HERC3: variants seen among roughly 807,000 people sequenced by gnomAD.
The protein encoded by HERC3 is HECT and RLD domain containing E3 ubiquitin protein ligase 3.
A neutral mutation model predicts 129.9 loss-of-function variants in HERC3; 58 were observed. The observed-to-expected ratio is 0.45, with a 90% CI of 0.36 to 0.56. The LOEUF (loss-of-function observed/expected upper bound fraction) is 0.56, where lower values mean the gene tolerates loss of function less well. Ranked by LOEUF, HERC3 falls within the 20% of genes least tolerant of loss-of-function variation. The pLI is 0.00. For synonymous variants in HERC3, 430 were observed against 451.0 expected, an observed-to-expected ratio of 0.95 and a Z score of 0.59; for missense variants, 835 against 1,244.2, an observed-to-expected ratio of 0.67 and a Z score of 4.95.
At chr4:88,528,582 A>G in the HERC3 span, among the ~76,000 whole-genome samples, 1 of 152,160 alleles carries the variant, frequency 6.6e-6, no homozygotes, top group Non-Finnish European at 1.5e-5. Context: ...GCAAGAGACA[A>G]GCTGAAGAGG....
At chr4:88,524,080 T>C in the HERC3 span, 5 of 287,052 alleles carry the variant, frequency 1.7e-5, no homozygotes, top group Non-Finnish European at 3.2e-5. Context: ...ACCTACGTGG[T>C]TACCTCCAAG....
chr4:88,678,865 C>T (rs1164046005), intron 19 of HERC3, among the ~76,000 whole-genome samples: 1 of 152,182 alleles, frequency 6.6e-6, no homozygotes, highest in Non-Finnish European at 1.5e-5. Flanking sequence ...TATCAATCTG[C>T]CTGGTTGTTC....
At chr4:88,610,314 A>G (rs1724155917) in intron 3 of HERC3, among the ~76,000 whole-genome samples, 1 of 152,018 alleles carries the variant, frequency 6.6e-6, no homozygotes, top group African/African-American at 2.4e-5. Flanking sequence ...TTAGCCGGGC[A>G]TGGTGGCGCG....
At chr4:88,678,178 T>C (rs1445431311) in intron 19 of HERC3, 44 bp downstream of exon 19, 1 of 1,561,524 alleles carries the variant, frequency 6.4e-7, no homozygotes, top group Middle Eastern at 1.7e-4. Context: ...TCGCAATTTT[T>C]CTTTGAACAG....
intron 23 of HERC3, among the ~76,000 whole-genome samples, chr4:88,699,286 TCCCCACCCACCCACCCAGCCCCACC>T (rs1578349358): frequency 3.4e-5 from 1 of 29,038 alleles, no homozygotes; most frequent in African/African-American, 1.4e-4. Flanking sequence ...GCCTTCTTCT[TCCCCACCCACCCACCCAGCCCCACC>T]CTCTTCCTCC....
At position 88,599,239 on chromosome 4, in the gene HERC3, C is replaced by G. The variant is rs1722727314; in HGVS notation, c.-30+3625C>G. The stretch of plus-strand genomic sequence containing the variant: ...CTTCTCTCCAATGTGTTGAACTTCT[C>G]TCCTGAAAGCTAGATGATTTTAGTT... On this transcript the variant is annotated intron_variant, in intron 2 of 25. Transcript: ENST00000402738. Among the ~76,000 whole-genome samples, 3 of 152,168 alleles carry G rather than the reference C, an allele frequency of 2.0e-5. No homozygotes were observed. In the South Asian group the frequency reaches 6.2e-4, roughly 32 times the overall value.
At chr4:88,601,839 G>T (rs113988449) in intron 2 of HERC3, among the ~76,000 whole-genome samples, 4 of 91,148 alleles carry the variant, frequency 4.4e-5, no homozygotes, top group African/African-American at 1.7e-4. Flanking sequence ...GGCGGATCAC[G>T]AGGTCAGGAG....
intron 10 of HERC3, 48 bp from the exon 11 acceptor site, chr4:88,662,383 T>C: frequency 6.4e-7 from 1 of 1,553,552 alleles, no homozygotes; most frequent in Non-Finnish European, 8.7e-7. Context: ...GGAGACAAGA[T>C]CCATGCTACA....
At chr4:88,685,546 A>G (rs916688188) in intron 21 of HERC3, among the ~76,000 whole-genome samples, 2 of 152,190 alleles carry the variant, frequency 1.3e-5, no homozygotes, top group African/African-American at 2.4e-5. Context: ...GAGTTGAACA[A>G]TGAGAACATG....
At chr4:88,656,495 A>G (rs1459611500) in intron 9 of HERC3, 1 of 160,344 alleles carries the variant, frequency 6.2e-6, no homozygotes, top group Non-Finnish European at 1.4e-5. Flanking sequence ...ACACCACCAG[A>G]TCTCATGTGA....
intron 10 of HERC3, among the ~76,000 whole-genome samples, chr4:88,661,792 G>C (rs1488105607): frequency 6.6e-6 from 1 of 152,146 alleles, no homozygotes; most frequent in Non-Finnish European, 1.5e-5. Flanking sequence ...AAGAAATTAA[G>C]AGTCATTGTT....
At chr4:88,643,457 A>T (rs1728351724) in intron 3 of HERC3, among the ~76,000 whole-genome samples, 1 of 152,218 alleles carries the variant, frequency 6.6e-6, no homozygotes, top group African/African-American at 2.4e-5. Context: ...AATATGAATA[A>T]AGTTGAAGGA....
chr4:88,538,545 C>CT, the HERC3 span, among the ~76,000 whole-genome samples: 18,024 of 129,754 alleles, frequency 0.14, 1,431 homozygotes, highest in East Asian at 0.21. Flanking sequence ...CCAATTTCCT[C>CT]TTTTTTTTTT....
At chr4:88,661,655 TG>T (rs1399737073) in intron 10 of HERC3, among the ~76,000 whole-genome samples, 17 of 152,242 alleles carry the variant, frequency 1.1e-4, no homozygotes, top group Admixed American at 2.6e-4. Flanking sequence ...GTGCTTATTA[TG>T]TTTTTTTTCT....
chr4:88,682,525 A>G (rs1165010951), intron 21 of HERC3, among the ~76,000 whole-genome samples: 2 of 120,348 alleles, frequency 1.7e-5, no homozygotes, highest in East Asian at 5.5e-4. Context: ...TCCTGTGTCC[A>G]TGTGTTCTCA....
the HERC3 span, among the ~76,000 whole-genome samples, chr4:88,572,630 GA>G: frequency 6.7e-6 from 1 of 150,256 alleles, no homozygotes; most frequent in South Asian, 2.1e-4. Flanking sequence ...CCAACATGGT[GA>G]AAACCCGTCT....
At chr4:88,614,885 G>A (rs189802748) in intron 3 of HERC3, among the ~76,000 whole-genome samples, 1 of 152,278 alleles carries the variant, frequency 6.6e-6, no homozygotes, top group African/African-American at 2.4e-5. Flanking sequence ...TACCCAAAAA[G>A]GTTATATCCT....
At chr4:88,612,357 A>G (rs905937617) in intron 3 of HERC3, among the ~76,000 whole-genome samples, 4 of 151,050 alleles carry the variant, frequency 2.6e-5, no homozygotes, top group African/African-American at 9.8e-5. Flanking sequence ...AAGATACATC[A>G]AATTCTGAAA....
intron 10 of HERC3, among the ~76,000 whole-genome samples, chr4:88,662,032 A>G (rs78191148): frequency 0.018 from 2,695 of 152,304 alleles, 33 homozygotes; most frequent in Non-Finnish European, 0.025. Context: ...CTAGAAGAAC[A>G]TCTACTGAGG....
Sources: allele counts gnomAD v4.1 joint callset (sites outside exome capture counted in the v4.1 genomes callset), GRCh38; gene constraint gnomAD v4.1.1; transcripts MANE v1.5; gene names NCBI Gene and HGNC (gene_info 2026-07-23, HGNC 2026-07-21).